The following QRFPR variants were observed in gnomAD, a reference collection of about 807,000 sequenced individuals.
The protein encoded by QRFPR is pyroglutamylated RFamide peptide receptor.
In QRFPR, 37 loss-of-function variants were observed where a neutral mutation model predicts 31.3. That is an observed-to-expected ratio of 1.18 (90% CI 0.91 to 1.56). The LOEUF (loss-of-function observed/expected upper bound fraction) is 1.56, where lower values mean the gene tolerates loss of function less well. QRFPR is among the 40% of genes most tolerant of loss of function. The probability of loss-of-function intolerance (pLI) is 0.00; values close to 1 mark genes in which losing one functional copy is unlikely to be tolerated. For missense variants in QRFPR, 542 were observed against 532.5 expected (o/e 1.02, Z -0.18); for synonymous variants, 197 against 192.0 (o/e 1.03, Z -0.22).
chr4:121,331,103 CA>C (rs200221839), intron 4 of QRFPR, among the ~76,000 whole-genome samples: 7 of 138,168 alleles, frequency 5.1e-5, no homozygotes, highest in Non-Finnish European at 6.2e-5. Context: ...GCATCTCTAC[CA>C]AAAAAAAATT....
At chr4:121,330,822 A>G (rs1725307606) in intron 4 of QRFPR, among the ~76,000 whole-genome samples, 1 of 152,144 alleles carries the variant, frequency 6.6e-6, no homozygotes, top group South Asian at 2.1e-4. Flanking sequence ...AGACACACAG[A>G]AGGTTAATTA....
At chr4:121,369,495 G>T in intron 1 of QRFPR, 1 of 1,360,320 alleles carries the variant, frequency 7.4e-7, no homozygotes, top group Non-Finnish European at 1.0e-6. Flanking sequence ...CGTGGTGGCT[G>T]TTTCCTCCCT....
At chr4:121,338,941 T>G (rs563446854) in intron 2 of QRFPR, among the ~76,000 whole-genome samples, 25 of 152,220 alleles carry the variant, frequency 1.6e-4, no homozygotes, top group Non-Finnish European at 3.2e-4. Context: ...CCCCACATGC[T>G]GTTTTCAGGA....
At chr4:121,329,841 G>A (rs754630642) in intron 5 of QRFPR, 127 bp from the exon 6 acceptor site, 12 of 694,150 alleles carry the variant, frequency 1.7e-5, no homozygotes, top group Admixed American at 6.9e-5. Flanking sequence ...TCTCAAGATC[G>A]TTTTGGGAGA....
chr4:121,364,557 G>A (rs1347167008), intron 1 of QRFPR, among the ~76,000 whole-genome samples: 1 of 149,106 alleles, frequency 6.7e-6, no homozygotes. Flanking sequence ...GGAGAATGGT[G>A]TGAACCTGGG....
chr4:121,334,228 T>C (rs1725391684), intron 3 of QRFPR, among the ~76,000 whole-genome samples: 1 of 152,206 alleles, frequency 6.6e-6, no homozygotes, highest in Non-Finnish European at 1.5e-5. Context: ...ACGGACTTCC[T>C]GACTTCAGCA....
chr4:121,370,375 A>G (rs1726215458), intron 1 of QRFPR: 1 of 727,994 alleles, frequency 1.4e-6, no homozygotes, highest in Non-Finnish European at 2.6e-6. Flanking sequence ...TGTTTTTTCT[A>G]TATAGAATCC....
intron 1 of QRFPR, among the ~76,000 whole-genome samples, chr4:121,343,008 C>A (rs574666834): frequency 5.3e-5 from 8 of 152,164 alleles, no homozygotes; most frequent in Non-Finnish European, 1.0e-4. Context: ...TTCTCATTTG[C>A]TATGCTTTTC....
chr4:121,333,832 A>G (rs952432235), intron 3 of QRFPR, among the ~76,000 whole-genome samples: 1 of 152,202 alleles, frequency 6.6e-6, no homozygotes, highest in African/African-American at 2.4e-5. Context: ...AAAAACGAGA[A>G]TATTTATCAA....
At chr4:121,330,131 G>A (rs1046427407) in intron 5 of QRFPR, among the ~76,000 whole-genome samples, 1 of 152,204 alleles carries the variant, frequency 6.6e-6, no homozygotes, top group African/African-American at 2.4e-5. Flanking sequence ...AATGGGAAAT[G>A]CTAATAGGAT....
At chr4:121,331,512 G>A (rs1044325798) in intron 4 of QRFPR, among the ~76,000 whole-genome samples, 1 of 151,060 alleles carries the variant, frequency 6.6e-6, no homozygotes, top group Non-Finnish European at 1.5e-5. Context: ...TGATTAACCA[G>A]GGCTTCAAAC....
intron 2 of QRFPR, 59 bp downstream of exon 2, chr4:121,340,393 C>A: frequency 6.4e-7 from 1 of 1,569,020 alleles, no homozygotes; most frequent in Non-Finnish European, 8.8e-7. Flanking sequence ...AAATATGGTT[C>A]TCTATTCTGT....
intron 1 of QRFPR, 106 bp downstream of exon 1, chr4:121,380,202 A>AGG (rs1369656477): frequency 8.3e-4 from 164 of 198,056 alleles, no homozygotes; most frequent in Admixed American, 1.3e-3. Flanking sequence ...AGAGAGAGAG[A>AGG]GAGAGAGAGA....
At position 121,328,885 on chromosome 4, in the gene QRFPR, A is replaced by G. The variant is rs562118015; in HGVS notation, c.*429T>C. On this transcript the variant is annotated 3_prime_UTR_variant, in exon 6 of 6. Coordinates refer to ENST00000394427, the MANE Select transcript of QRFPR (RefSeq NM_198179.3). ...ATTCTCCCGCCTGAGGCTCCCAAGT[A>G]GCTGGGACTACAGGTGCCCGCCACC... Among the ~76,000 whole-genome samples, 140 of 152,282 alleles carry G rather than the reference A, an allele frequency of 9.2e-4. No individual in the cohort carries two copies. Among genetic ancestry groups the G allele is most frequent in the African/African-American group, 3.1e-3 (128 of 41,554 alleles).
chr4:121,357,477 A>C (rs1227909509), intron 1 of QRFPR, among the ~76,000 whole-genome samples: 4 of 152,190 alleles, frequency 2.6e-5, no homozygotes, highest in Non-Finnish European at 4.4e-5. Flanking sequence ...CTGCTGATCC[A>C]AACAGTAACT....
intron 1 of QRFPR, among the ~76,000 whole-genome samples, chr4:121,354,451 G>A (rs914216725): frequency 2.6e-5 from 4 of 151,524 alleles, no homozygotes; most frequent in Non-Finnish European, 5.9e-5. Context: ...TAGTTTTTTG[G>A]TGGAGTCTTT....
chr4:121,328,708 T>C lies in QRFPR; in HGVS notation c.*606A>G, dbSNP rs1725260843. 6.6e-6 allele frequency among the ~76,000 whole-genome samples: 1 copy of C among 152,210 alleles called. No homozygotes were observed. The highest frequency in any genetic ancestry group is 6.5e-5 in the Admixed American group (1 of 15,290). On this transcript the variant is annotated 3_prime_UTR_variant, in exon 6 of 6. Transcript: ENST00000394427. Reference sequence around the variant, plus strand: ...AGAACCCTGATTTCTGTACAAGATTTTTAAAAATCCACTGAAATAATCTTA... The same window carrying C: ...AGAACCCTGATTTCTGTACAAGATTCTTAAAAATCCACTGAAATAATCTTA...
intron 1 of QRFPR, among the ~76,000 whole-genome samples, chr4:121,378,243 T>C (rs531588895): frequency 6.6e-6 from 1 of 152,124 alleles, no homozygotes; most frequent in South Asian, 2.1e-4. Flanking sequence ...ATTTAGAAGC[T>C]AAAGTGAAAT....
Position 121,380,843 on chromosome 4 carries a change from A to G in QRFPR, c.-196T>C, listed in dbSNP as rs1726480460. ...GAGCAGCTCAGGGATCAAACCCACG[A>G]TAAAGAGGCGGGAAGCCAAAGCACT... On this transcript the variant is annotated 5_prime_UTR_variant, in exon 1 of 6. Transcript: ENST00000394427. 2 of 556,400 alleles carry G rather than the reference A, an allele frequency of 3.6e-6. No homozygotes were observed. The highest frequency in any genetic ancestry group is 3.8e-5 in the African/African-American group (2 of 52,492). 34.5% of individuals were successfully genotyped at this position (556,400 alleles called of 1,614,324 possible). A position where few individuals can be genotyped will look rare whatever the true frequency, so the allele number is the denominator to read the frequency against.
Sources: gnomAD v4.1 joint callset for allele counts (sites outside exome capture counted in the v4.1 genomes callset) on GRCh38, gnomAD v4.1.1 for gene constraint, MANE v1.5 for transcripts, NCBI Gene and HGNC (gene_info 2026-07-23, HGNC 2026-07-21) for gene names.